PI4K2B: variants seen among roughly 807,000 people sequenced by gnomAD.
PI4K2B encodes phosphatidylinositol 4-kinase type 2 beta.
A neutral mutation model predicts 56.6 loss-of-function variants in PI4K2B; 46 were observed. The ratio of observed to expected loss-of-function variants is 0.81; its 90% CI spans 0.64 to 1.04. The LOEUF (loss-of-function observed/expected upper bound fraction) is 1.04. Ranked by LOEUF, PI4K2B falls within the 50% of genes least tolerant of loss-of-function variation. PI4K2B has a pLI of 0.00. For synonymous variants in PI4K2B, 211 were observed against 223.8 expected, an observed-to-expected ratio of 0.94 and a Z score of 0.51; for missense variants, 556 against 607.7, an observed-to-expected ratio of 0.91 and a Z score of 0.89.
At chr4:25,262,286 A>G (rs1716507929) in intron 6 of PI4K2B, among the ~76,000 whole-genome samples, 1 of 152,156 alleles carries the variant, frequency 6.6e-6, no homozygotes, top group Admixed American at 6.5e-5. Context: ...TGCTGCAGTG[A>G]GTTGTGGTTG....
intron 1 of PI4K2B, among the ~76,000 whole-genome samples, chr4:25,234,679 C>T (rs1026706512): frequency 6.6e-6 from 1 of 152,238 alleles, no homozygotes; most frequent in African/African-American, 2.4e-5. Flanking sequence ...TTTAGACCTC[C>T]CCGCAAAGTG....
intron 6 of PI4K2B, among the ~76,000 whole-genome samples, chr4:25,261,709 C>T (rs1156566803): frequency 1.4e-5 from 2 of 145,116 alleles, no homozygotes; most frequent in East Asian, 4.0e-4. Context: ...GTGAAAGAAG[C>T]TACACATAAA....
intron 1 of PI4K2B, among the ~76,000 whole-genome samples, chr4:25,250,183 C>T (rs1327642132): frequency 4.6e-5 from 7 of 152,078 alleles, no homozygotes; most frequent in Non-Finnish European, 8.8e-5. Flanking sequence ...AGTCCAACCT[C>T]GGCTCCGCAT....
intron 1 of PI4K2B, among the ~76,000 whole-genome samples, chr4:25,248,726 A>G (rs1715902633): frequency 6.6e-6 from 1 of 152,044 alleles, no homozygotes; most frequent in African/African-American, 2.4e-5. Context: ...GTACATTAAA[A>G]TTTTGATTTA....
chr4:25,273,437 AAAGTGAAACT>A (rs1716980924), intron 9 of PI4K2B, among the ~76,000 whole-genome samples: 2 of 152,356 alleles, frequency 1.3e-5, no homozygotes, highest in South Asian at 4.1e-4. Context: ...GACATTAAAG[AAAGTGAAACT>A]AACCCTTTAG....
Position 25,278,169 on chromosome 4 carries a change from G to A in PI4K2B, c.*982G>A, listed in dbSNP as rs2109029600. On this transcript the variant is annotated 3_prime_UTR_variant, in exon 10 of 10. Coordinates refer to ENST00000264864, the MANE Select transcript of PI4K2B (RefSeq NM_018323.4). ...ATTACAGTCAAATGTAGACTATCAG[G>A]CCAAATTAAAGGGGAGCATGGCAGA... 1 of 152,158 alleles carries A rather than the reference G, an allele frequency of 6.6e-6. No homozygotes were observed. The highest frequency in any genetic ancestry group is 2.1e-4 in the South Asian group (1 of 4,816). 9.4% of individuals were successfully genotyped at this position (152,158 alleles called of 1,614,324 possible). A position where few individuals can be genotyped will look rare whatever the true frequency, so the allele number is the denominator to read the frequency against.
intron 9 of PI4K2B, 184 bp from the exon 10 acceptor site, chr4:25,276,830 T>TGC: frequency 1.0e-6 from 1 of 981,304 alleles, no homozygotes; most frequent in Non-Finnish European, 1.2e-6. Flanking sequence ...CGTGTGTGTG[T>TGC]GCGCGTGTGT....
chr4:25,251,441 T>G (rs1221188511), intron 1 of PI4K2B, among the ~76,000 whole-genome samples: 1 of 151,906 alleles, frequency 6.6e-6, no homozygotes, highest in East Asian at 1.9e-4. Flanking sequence ...CAGGTGACCA[T>G]GATGAAGGGA....
chr4:25,245,323 G>A (rs142010997), intron 1 of PI4K2B, among the ~76,000 whole-genome samples: 1,857 of 152,264 alleles, frequency 0.012, 57 homozygotes, highest in African/African-American at 0.042. Flanking sequence ...GAAGAGAGGC[G>A]AGAGGAAGTT....
At chr4:25,254,088 A>C (rs1716166109) in intron 2 of PI4K2B, among the ~76,000 whole-genome samples, 1 of 152,180 alleles carries the variant, frequency 6.6e-6, no homozygotes, top group Admixed American at 6.5e-5. Flanking sequence ...GGTTCCTGAA[A>C]AAATAGCTGG....
rs573133718 is a variant in PI4K2B, at chr4:25,249,347, C to T, written c.269-2974C>T. ...TGGGTACACCTCCCAGACAGGGTGG[C>T]GGCCAGGCAGAGGGGCTCATCACTT... On this transcript the variant is annotated intron_variant, in intron 1 of 9. Coordinates refer to ENST00000264864, the MANE Select transcript of PI4K2B (RefSeq NM_018323.4). Among the ~76,000 whole-genome samples the T allele has an allele frequency of 2.4e-4, 37 of 152,050 alleles. No homozygotes were observed. The South Asian group carries it at 3.5e-3, about 14-fold the overall frequency.
At chr4:25,273,951 CT>C (rs1329075485) in intron 9 of PI4K2B, among the ~76,000 whole-genome samples, 1 of 152,142 alleles carries the variant, frequency 6.6e-6, no homozygotes, top group Non-Finnish European at 1.5e-5. Context: ...CCCAGTGGTG[CT>C]CTTGCGCACG....
At chr4:25,247,932 G>T (rs1308174259) in intron 1 of PI4K2B, among the ~76,000 whole-genome samples, 1 of 152,052 alleles carries the variant, frequency 6.6e-6, no homozygotes, top group African/African-American at 2.4e-5. Flanking sequence ...TGAACTCCTG[G>T]ACACAAGTGA....
intron 1 of PI4K2B, among the ~76,000 whole-genome samples, chr4:25,238,819 C>T (rs1715381802): frequency 6.6e-6 from 1 of 152,158 alleles, no homozygotes. Flanking sequence ...AAAGCTTCCA[C>T]AGTGTGGAAG....
At chr4:25,263,432 A>C (rs1311149978) in intron 6 of PI4K2B, among the ~76,000 whole-genome samples, 3 of 152,134 alleles carry the variant, frequency 2.0e-5, no homozygotes, top group Non-Finnish European at 4.4e-5. Flanking sequence ...TTAAGCAATG[A>C]ATCTAGCAGT....
chr4:25,269,421 G>C (rs915927856), intron 9 of PI4K2B, among the ~76,000 whole-genome samples: 1 of 152,080 alleles, frequency 6.6e-6, no homozygotes, highest in Admixed American at 6.5e-5. Flanking sequence ...TGAATCACCT[G>C]AGGTCAGGAG....
At chr4:25,260,876 T>G (rs1402949383) in intron 6 of PI4K2B, among the ~76,000 whole-genome samples, 1 of 148,882 alleles carries the variant, frequency 6.7e-6, no homozygotes, top group Non-Finnish European at 1.5e-5. Context: ...TTGATTTTTT[T>G]TTTTTTTTTT....
Position 25,277,462 on chromosome 4 carries a change from G to A in PI4K2B, c.*275G>A, listed in dbSNP as rs1441445564. ...TTTAAAAGGTAATTTTACACATGCT[G>A]GAATGACTGTAATTACTCTAGAATT... On this transcript the variant is annotated 3_prime_UTR_variant, in exon 10 of 10. Transcript: ENST00000264864. The A allele has an allele frequency of 1.3e-5, 3 of 230,002 alleles. No individual in the cohort carries two copies. The highest frequency in any genetic ancestry group is 2.5e-5 in the Non-Finnish European group (3 of 117,846). 14.2% of individuals were successfully genotyped at this position (230,002 alleles called of 1,614,324 possible).
intron 1 of PI4K2B, chr4:25,250,455 G>C (rs909363383): frequency 2.0e-5 from 3 of 152,198 alleles, no homozygotes; most frequent in Non-Finnish European, 4.4e-5. Flanking sequence ...GAAGGTGGAG[G>C]GTAGGAGGAG....
Sources: allele counts gnomAD v4.1 joint callset (sites outside exome capture counted in the v4.1 genomes callset), GRCh38; gene constraint gnomAD v4.1.1; transcripts MANE v1.5; gene names NCBI Gene and HGNC (gene_info 2026-07-23, HGNC 2026-07-21).